PCGF3: variants seen among roughly 807,000 people sequenced by gnomAD.
The protein encoded by PCGF3 is polycomb group RING finger protein 3.
A neutral mutation model predicts 33.1 loss-of-function variants in PCGF3; 7 were observed. That is an observed-to-expected ratio of 0.21 (90% CI 0.12 to 0.40). The LOEUF is 0.40. Among genes scored for constraint, PCGF3 ranks in the 10% least tolerant of loss-of-function variants. The pLI is 1.00. For synonymous variants in PCGF3, 153 were observed against 121.3 expected (o/e 1.26, Z -1.72); for missense variants, 211 against 313.3 (o/e 0.67, Z 2.46).
intron 1 of PCGF3, among the ~76,000 whole-genome samples, chr4:727,069 T>C (rs1247356525): frequency 6.6e-6 from 1 of 152,184 alleles, no homozygotes; most frequent in Non-Finnish European, 1.5e-5. Context: ...TTGCTCACTC[T>C]CACTGCCGAG....
At chr4:743,802 G>A (rs1744197674) in intron 7 of PCGF3, 2 of 471,256 alleles carry the variant, frequency 4.2e-6, no homozygotes, top group Admixed American at 7.5e-5. Context: ...GGGGAGAGCA[G>A]GAGGGCCCCC....
At chr4:728,533 C>T (rs749539016) in intron 1 of PCGF3, among the ~76,000 whole-genome samples, 2 of 152,206 alleles carry the variant, frequency 1.3e-5, no homozygotes, top group African/African-American at 2.4e-5. Context: ...ACTTCATGTC[C>T]GGGACTTGAG....
chr4:761,804 A>C, intron 9 of PCGF3: 1 of 985,454 alleles, frequency 1.0e-6, no homozygotes, highest in Non-Finnish European at 1.2e-6. Flanking sequence ...GAGTGCTGGC[A>C]TGAGGCGGCC....
intron 10 of PCGF3, among the ~76,000 whole-genome samples, chr4:765,288 C>T (rs1427435052): frequency 1.3e-5 from 2 of 152,142 alleles, no homozygotes; most frequent in African/African-American, 2.4e-5. Context: ...AAAAAATTAG[C>T]CAGGCGTAGT....
At chr4:763,020 G>T (rs937217209) in intron 9 of PCGF3, among the ~76,000 whole-genome samples, 12 of 152,136 alleles carry the variant, frequency 7.9e-5, no homozygotes, top group African/African-American at 1.9e-4. Flanking sequence ...GGTCATGGGG[G>T]GCCAATGCCA....
At chr4:710,313 G>C (rs545700177) in intron 1 of PCGF3, among the ~76,000 whole-genome samples, 3 of 152,220 alleles carry the variant, frequency 2.0e-5, no homozygotes, top group Non-Finnish European at 4.4e-5. Flanking sequence ...GGGCAGCTCC[G>C]AGGGAGCCCA....
In PCGF3 at chr4:720,195, A is replaced by G. The variant is rs1743015052; in HGVS notation, c.-189-10435A>G. Reference sequence around the variant, plus strand: ...GCCCTGCTGCCGGAGTATGCCAAGCACGAGGGGCCAGGTGGCACACAGCAC... The same window carrying G: ...GCCCTGCTGCCGGAGTATGCCAAGCGCGAGGGGCCAGGTGGCACACAGCAC... On this transcript the variant is annotated intron_variant, in intron 1 of 10. Coordinates refer to ENST00000362003, the Ensembl canonical transcript of PCGF3. The surrounding 1 kb of genome is among the most constrained non-coding windows in gnomAD (Gnocchi z 5.6). 1.3e-5 allele frequency among the ~76,000 whole-genome samples: 2 copies of G among 152,078 alleles called. No individual in the cohort carries two copies. The highest frequency in any genetic ancestry group is 2.9e-5 in the Non-Finnish European group (2 of 68,008).
chr4:752,481 G>A (rs1427945269), intron 8 of PCGF3, among the ~76,000 whole-genome samples: 1 of 152,186 alleles, frequency 6.6e-6, no homozygotes, highest in Admixed American at 6.5e-5. Flanking sequence ...CAGCTGTTCC[G>A]CTCTTTTCCC....
chr4:724,263 G>C (rs565902396), intron 1 of PCGF3, among the ~76,000 whole-genome samples: 1 of 152,328 alleles, frequency 6.6e-6, no homozygotes, highest in African/African-American at 2.4e-5. Context: ...AGGCTCAGGG[G>C]CTACAGCAAA....
At chr4:738,800 A>C (rs1254130101) in intron 6 of PCGF3, among the ~76,000 whole-genome samples, 3 of 152,134 alleles carry the variant, frequency 2.0e-5, no homozygotes, top group African/African-American at 7.2e-5. Flanking sequence ...CAGAGGTTGC[A>C]GTGAGCTGAG....
chr4:715,340 C>A lies in PCGF3; in HGVS notation c.-190+9370C>A, dbSNP rs1407172394. Among the ~76,000 whole-genome samples, 4 of 120,022 alleles carry A rather than the reference C, an allele frequency of 3.3e-5. No homozygotes were observed. In the East Asian group the frequency reaches 8.5e-4, roughly 25 times the overall value. The allele number at this position is 120,022 out of a possible 152,430, so 78.7% of individuals were successfully genotyped here. ...GTAGACACTGAGTGTGAGAACTGGG[C>A]GTCGGTGCTGGGACCTTGTAGACAC... On this transcript the variant is annotated intron_variant, in intron 1 of 10. Coordinates refer to ENST00000362003, the Ensembl canonical transcript of PCGF3.
intron 9 of PCGF3, among the ~76,000 whole-genome samples, chr4:763,708 G>C (rs988032507): frequency 6.6e-6 from 1 of 152,124 alleles, no homozygotes; most frequent in South Asian, 2.1e-4. Context: ...GCCACACCTC[G>C]TCATTTACCC....
chr4:765,315 C>T (rs1183152037), intron 10 of PCGF3, among the ~76,000 whole-genome samples: 1 of 152,130 alleles, frequency 6.6e-6, no homozygotes, highest in Non-Finnish European at 1.5e-5. Context: ...CACCTGTAGT[C>T]TCAGCTACTC....
At chr4:767,736 C>A (rs1319816774) in exon 11 of PCGF3, 1 of 152,542 alleles carries the variant, frequency 6.6e-6, no homozygotes, top group African/African-American at 2.4e-5. Flanking sequence ...TTCTTTAAGC[C>A]CATCAACTCC....
At chr4:733,835 G>A (rs773768400) in intron 4 of PCGF3, 46 bp downstream of exon 4, 2 of 1,613,372 alleles carry the variant, frequency 1.2e-6, no homozygotes, top group Non-Finnish European at 1.7e-6. Flanking sequence ...GCCCTTCCCA[G>A]CTCTGTGCTC....
chr4:726,381 G>A (rs1743334193), intron 1 of PCGF3, among the ~76,000 whole-genome samples: 2 of 152,214 alleles, frequency 1.3e-5, no homozygotes, highest in South Asian at 2.1e-4. Context: ...CAGGCCCTGC[G>A]GGGGCCAGCA....
intron 6 of PCGF3, among the ~76,000 whole-genome samples, chr4:737,753 C>G (rs1460555183): frequency 6.6e-6 from 1 of 152,182 alleles, no homozygotes; most frequent in East Asian, 1.9e-4. Context: ...AAGTATGGAT[C>G]GCATGTTTAG....
intron 5 of PCGF3, among the ~76,000 whole-genome samples, chr4:735,323 G>A (rs1204409836): frequency 1.3e-5 from 2 of 152,214 alleles, no homozygotes; most frequent in African/African-American, 4.8e-5. Context: ...GACACAGGCA[G>A]ATCACCTGAG....
At chr4:734,392 T>C in intron 4 of PCGF3, 1 of 1,390,986 alleles carries the variant, frequency 7.2e-7, no homozygotes, top group Non-Finnish European at 9.3e-7. Flanking sequence ...TTAAACAGGA[T>C]CTTTAAAATG....
Sources: gnomAD v4.1 joint callset for allele counts (sites outside exome capture counted in the v4.1 genomes callset) on GRCh38, gnomAD v4.1.1 for gene constraint, Gnocchi (gnomAD v3.1) non-coding constraint, MANE v1.5 for transcripts, NCBI Gene and HGNC (gene_info 2026-07-23, HGNC 2026-07-21) for gene names.